Variants in RXFP1 observed in about 807,000 individuals in gnomAD.
RXFP1 encodes relaxin family peptide receptor 1, also known as relaxin receptor 1.
In RXFP1, 73 loss-of-function variants were observed where a neutral mutation model predicts 89.8. That is an observed-to-expected ratio of 0.81 (90% CI 0.67 to 0.99). The LOEUF (loss-of-function observed/expected upper bound fraction) is 0.99, where lower values mean the gene tolerates loss of function less well. Ranked by LOEUF, RXFP1 falls within the 50% of genes least tolerant of loss-of-function variation. The pLI is 0.00. For synonymous variants in RXFP1, 277 were observed against 305.5 expected (o/e 0.91, Z 0.97); for missense variants, 793 against 895.5 (o/e 0.89, Z 1.46).
rs1232713921 is a variant in RXFP1, at chr4:158,644,939, T to C, written c.1146T>C (p.Tyr382=). The stretch of plus-strand genomic sequence containing the variant: ...TTAAGAAATTCCAGTACTGTGGGTA[T>C]GCACCACATGTTCGCAGCTGTAAAC... ...IYFKKFQYCG[Y]APHVRSCKPN... is the part of the protein sequence containing the mutation. The change falls in exon 15 of 18, where the codon TAT becomes TAC. Residue 382 remains tyrosine, a synonymous_variant. Coordinates refer to ENST00000307765, the MANE Select transcript of RXFP1 (RefSeq NM_021634.4). 2 of 1,613,896 alleles carry C rather than the reference T, an allele frequency of 1.2e-6. No homozygotes were observed.
intron 1 of RXFP1, chr4:158,544,069 T>C (rs1194360980): frequency 1.0e-5 from 10 of 982,738 alleles, no homozygotes; most frequent in Non-Finnish European, 1.2e-5. Context: ...TAGAAATGTC[T>C]ATAAAGAGAA....
chr4:158,651,478 A>G (rs1309193202), intron 17 of RXFP1, among the ~76,000 whole-genome samples: 3 of 152,234 alleles, frequency 2.0e-5, no homozygotes, highest in African/African-American at 7.2e-5. Context: ...TCACTTTGTG[A>G]AAAATATTTC....
chr4:158,627,847 A>G (rs1421250710), intron 10 of RXFP1, among the ~76,000 whole-genome samples: 4 of 152,176 alleles, frequency 2.6e-5, no homozygotes, highest in African/African-American at 9.6e-5. Context: ...CAGAACAAAT[A>G]GATATCTGAA....
At chr4:158,646,616 A>G (rs1771597688) in intron 15 of RXFP1, 175 bp from the exon 16 acceptor site, 2 of 1,408,862 alleles carry the variant, frequency 1.4e-6, no homozygotes, top group Non-Finnish European at 1.8e-6. Context: ...GTTACCAAAG[A>G]GAGTCTATGA....
chr4:158,543,939 C>T, intron 1 of RXFP1: 1 of 985,350 alleles, frequency 1.0e-6, no homozygotes, highest in Non-Finnish European at 1.2e-6. Context: ...GTAGTATCTG[C>T]CTCTGAGGAT....
chr4:158,644,780 T>C (rs2150254744), intron 14 of RXFP1, 129 bp from the exon 15 acceptor site: 1 of 649,218 alleles, frequency 1.5e-6, no homozygotes, highest in Non-Finnish European at 2.6e-6. Context: ...GAATCCCTAA[T>C]GTTTTAGTCC....
intron 1 of RXFP1, among the ~76,000 whole-genome samples, chr4:158,571,929 A>C: frequency 6.6e-6 from 1 of 152,196 alleles, no homozygotes; most frequent in Non-Finnish European, 1.5e-5. Context: ...AGGTAAAGCC[A>C]TGTGTGCAGG....
chr4:158,607,850 G>A, intron 5 of RXFP1, 122 bp from the exon 6 acceptor site: 1 of 593,392 alleles, frequency 1.7e-6, no homozygotes, highest in Non-Finnish European at 2.9e-6. Context: ...TACCTTCAGA[G>A]GCATTAAGCA....
rs768002790 is a variant in RXFP1 at position 158,599,328 on chromosome 4, G to C, written c.289G>C (p.Val97Leu). 6.2e-7 allele frequency: 1 copy of C among 1,613,748 alleles called. No individual in the cohort carries two copies. The highest frequency in any genetic ancestry group is 8.5e-7 in the Non-Finnish European group (1 of 1,179,870). ...PFEAETPECL[V>L]GSVPVQCLCQ... is the part of the protein sequence containing the mutation. Reference sequence around the variant, plus strand: ...CTTACCACTTCCCCTTGATTCAGTGGTCGGTTCTGTGCCAGTGCAATGTCT... The same window carrying C: ...CTTACCACTTCCCCTTGATTCAGTGCTCGGTTCTGTGCCAGTGCAATGTCT... The change falls in exon 4 of 18, where the codon GTC becomes CTC. Residue 97 changes from valine (V) to leucine (L), a missense_variant and splice_region_variant. By Grantham distance (32) the Val-to-Leu change is conservative. Coordinates refer to ENST00000307765, the MANE Select transcript of RXFP1 (RefSeq NM_021634.4).
intron 9 of RXFP1, among the ~76,000 whole-genome samples, chr4:158,617,605 G>A (rs970171065): frequency 6.6e-6 from 1 of 151,644 alleles, no homozygotes. Context: ...ATGATATTTA[G>A]CATTTATTTT....
chr4:158,525,364 A>C (rs1742252341), intron 1 of RXFP1, among the ~76,000 whole-genome samples: 1 of 152,074 alleles, frequency 6.6e-6, no homozygotes, highest in South Asian at 2.1e-4. Flanking sequence ...TCACCACCTT[A>C]TATTGTGGAG....
intron 9 of RXFP1, among the ~76,000 whole-genome samples, chr4:158,623,223 G>T (rs140618104): frequency 6.6e-6 from 1 of 151,982 alleles, no homozygotes; most frequent in African/African-American, 2.4e-5. Context: ...ACTGGGTCAG[G>T]TGCGGTGGTG....
At chr4:158,550,354 G>A (rs971654624) in intron 1 of RXFP1, among the ~76,000 whole-genome samples, 4 of 152,176 alleles carry the variant, frequency 2.6e-5, no homozygotes, top group South Asian at 2.1e-4. Flanking sequence ...GTCTGTCACC[G>A]CTTTCTTTGA....
At chr4:158,569,120 T>C (rs1754486269) in intron 1 of RXFP1, among the ~76,000 whole-genome samples, 1 of 152,242 alleles carries the variant, frequency 6.6e-6, no homozygotes, top group Admixed American at 6.5e-5. Context: ...TTATAGCAGC[T>C]TGTTCGTAAT....
In RXFP1 at chr4:158,621,339, C is replaced by T. The variant is rs577904333; in HGVS notation, c.755+4134C>T. Among the ~76,000 whole-genome samples the T allele has an allele frequency of 2.4e-3, 361 of 152,082 alleles. 1 individual carries two copies. Among genetic ancestry groups the T allele is most frequent in the Non-Finnish European group, 4.5e-3 (305 of 67,982 alleles). Reference sequence around the variant, plus strand: ...AAAAAACAACAACAACGGACAAATCCATAGATTAGATAGACAGTGGTATTC... The same window carrying T: ...AAAAAACAACAACAACGGACAAATCTATAGATTAGATAGACAGTGGTATTC... On this transcript the variant is annotated intron_variant, in intron 9 of 17. Transcript: ENST00000307765.
At chr4:158,570,787 A>C (rs1477530811) in intron 1 of RXFP1, among the ~76,000 whole-genome samples, 1 of 152,052 alleles carries the variant, frequency 6.6e-6, no homozygotes, top group African/African-American at 2.4e-5. Flanking sequence ...TCCCCTTTGC[A>C]TTTTAAATAA....
At chr4:158,606,351 A>C (rs761284597) in intron 5 of RXFP1, among the ~76,000 whole-genome samples, 17 of 152,240 alleles carry the variant, frequency 1.1e-4, no homozygotes, top group Non-Finnish European at 2.2e-4. Flanking sequence ...ATGTGGATGA[A>C]TTAATTCCTG....
At chr4:158,634,396 T>C (rs1768720977) in intron 12 of RXFP1, among the ~76,000 whole-genome samples, 1 of 152,212 alleles carries the variant, frequency 6.6e-6, no homozygotes, top group South Asian at 2.1e-4. Context: ...TGTTAGATTG[T>C]TGGAGTTCTT....
chr4:158,546,409 G>A (rs1748430794), intron 1 of RXFP1, among the ~76,000 whole-genome samples: 1 of 152,278 alleles, frequency 6.6e-6, no homozygotes, highest in East Asian at 1.9e-4. Flanking sequence ...GGGACAATTT[G>A]ACTTCCTCTT....
Sources: gnomAD v4.1 joint callset for allele counts (sites outside exome capture counted in the v4.1 genomes callset) on GRCh38, gnomAD v4.1.1 for gene constraint, MANE v1.5 for transcripts, NCBI Gene and HGNC (gene_info 2026-07-23, HGNC 2026-07-21) for gene names.